Variants in PCDH11X observed in about 807,000 individuals in gnomAD.
PCDH11X encodes the protein protocadherin-11 X-linked.
A neutral mutation model predicts 53.3 loss-of-function variants in PCDH11X; 18 were observed. That is an observed-to-expected ratio of 0.34 (90% CI 0.23 to 0.50). PCDH11X has a LOEUF of 0.50. Ranked by LOEUF, PCDH11X falls within the 20% of genes least tolerant of loss-of-function variation. The pLI, the probability that PCDH11X is intolerant of heterozygous loss-of-function variation, is 0.98. For missense variants in PCDH11X, 570 were observed against 1,032.4 expected, an observed-to-expected ratio of 0.55 and a Z score of 6.14; for synonymous variants, 279 against 393.3, an observed-to-expected ratio of 0.71 and a Z score of 3.44.
At chrX:91,823,115 AG>A (rs1204104490) in intron 4 of PCDH11X, among the ~76,000 whole-genome samples, 1 of 109,084 alleles carries the variant, frequency 9.2e-6, no homozygotes, top group Non-Finnish European at 1.9e-5. Flanking sequence ...ATTTTGGAAT[AG>A]GTGTGGTGTG....
intron 1 of PCDH11X, among the ~76,000 whole-genome samples, chrX:91,806,366 TC>T (rs1402162577): frequency 8.8e-6 from 1 of 113,571 alleles, no homozygotes; most frequent in Non-Finnish European, 1.9e-5. Context: ...GTGACAATTC[TC>T]TTAGACATCT....
Position 92,049,262 on chromosome X carries a change from A to G in PCDH11X, c.3034-152113A>G, listed in dbSNP as rs1432922300. The stretch of plus-strand genomic sequence containing the variant: ...ACAAGAGACATTGCAGGATAATTTC[A>G]AGGTATGCAAGGAAATATATTTTGG... On this transcript the variant is annotated intron_variant, in intron 6 of 10. Transcript: ENST00000682573. Among the ~76,000 whole-genome samples, 4 of 111,661 alleles carry G rather than the reference A, an allele frequency of 3.6e-5. No homozygotes were observed. In the East Asian group the frequency reaches 8.4e-4, roughly 24 times the overall value.
intron 6 of PCDH11X, among the ~76,000 whole-genome samples, chrX:91,902,569 T>C (rs909860090): frequency 2.8e-5 from 3 of 107,821 alleles, no homozygotes; most frequent in Admixed American, 1.0e-4. Context: ...TGTTGTTTTA[T>C]ATATAACCTA....
chrX:92,248,999 C>G (rs1044807241), intron 7 of PCDH11X, among the ~76,000 whole-genome samples: 11 of 111,220 alleles, frequency 9.9e-5, no homozygotes, highest in African/African-American at 2.9e-4. Flanking sequence ...CCACTGTGCC[C>G]GGCCAGTAAT....
At chrX:92,518,547 C>G (rs867789946) in intron 10 of PCDH11X, among the ~76,000 whole-genome samples, 8 of 111,079 alleles carry the variant, frequency 7.2e-5, no homozygotes, top group Non-Finnish European at 1.3e-4. Context: ...TTTATATTTT[C>G]CACTTGGTCC....
At chrX:92,034,281 G>A (rs1437238955) in intron 6 of PCDH11X, among the ~76,000 whole-genome samples, 2 of 111,416 alleles carry the variant, frequency 1.8e-5, no homozygotes, top group Non-Finnish European at 3.8e-5. Context: ...CTATAGGGCA[G>A]ATTAAGTCAG....
rs181281477 is a variant in PCDH11X at position 92,544,666 on chromosome X, T to C, written c.3368-73598T>C. Among the ~76,000 whole-genome samples, 217 of 111,011 alleles carry C rather than the reference T, an allele frequency of 2.0e-3. 1 individual carries two copies. The highest frequency in any genetic ancestry group is 0.018 in the Admixed American group (190 of 10,381). ...CCGTAAATTCAACCCCATCATATGG[T>C]TTCATTTTAACTCAGAAGGTTAGAT... is the stretch of plus-strand genomic sequence containing the variant. On this transcript the variant is annotated intron_variant, in intron 10 of 10. Coordinates refer to ENST00000682573, the MANE Select transcript of PCDH11X (RefSeq NM_032968.5).
intron 6 of PCDH11X, among the ~76,000 whole-genome samples, chrX:91,945,068 T>TATATATATATATATATA (rs61515084): frequency 2.7e-4 from 24 of 89,956 alleles, no homozygotes; most frequent in Non-Finnish European, 4.0e-4. Context: ...TATATATATA[T>TATATATATATATATATA]TCTTAAATGT....
intron 9 of PCDH11X, among the ~76,000 whole-genome samples, chrX:92,411,391 C>T (rs2754962): frequency 9.0e-6 from 1 of 110,884 alleles, no homozygotes; most frequent in African/African-American, 3.3e-5. Flanking sequence ...AAGCCCCGCA[C>T]GCATTAAGTA....
chrX:92,568,900 T>C (rs988763168), intron 10 of PCDH11X, among the ~76,000 whole-genome samples: 2 of 111,517 alleles, frequency 1.8e-5, no homozygotes, highest in African/African-American at 6.5e-5. Context: ...AATGTAAAAT[T>C]TACGTAGTTG....
intron 6 of PCDH11X, among the ~76,000 whole-genome samples, chrX:92,184,307 T>C (rs1488614099): frequency 8.9e-6 from 1 of 112,163 alleles, no homozygotes; most frequent in Non-Finnish European, 1.9e-5. Context: ...ATTTCAAGAC[T>C]GTGGTTGCAA....
At chrX:92,572,794 G>T (rs182859164) in intron 10 of PCDH11X, among the ~76,000 whole-genome samples, 35 of 97,209 alleles carry the variant, frequency 3.6e-4, no homozygotes, top group African/African-American at 1.3e-3. Flanking sequence ...TGAGGCAAGA[G>T]AATCCCTTGA....
chrX:92,269,989 A>T (rs1362257537), intron 8 of PCDH11X, among the ~76,000 whole-genome samples: 1 of 111,990 alleles, frequency 8.9e-6, no homozygotes, highest in African/African-American at 3.2e-5. Context: ...TTTCTTCCAT[A>T]AAACCTTCTG....
intron 6 of PCDH11X, among the ~76,000 whole-genome samples, chrX:91,979,066 T>G (rs1344934134): frequency 1.8e-5 from 2 of 111,824 alleles, no homozygotes; most frequent in East Asian, 5.6e-4. Flanking sequence ...ATTGTAAAAC[T>G]ATTTTAATGG....
intron 6 of PCDH11X, among the ~76,000 whole-genome samples, chrX:92,101,702 T>C (rs1399167522): frequency 9.1e-6 from 1 of 110,092 alleles, no homozygotes; most frequent in African/African-American, 3.3e-5. Flanking sequence ...AAAGTGTCTA[T>C]TTAGACTAAG....
chrX:91,801,381 G>A (rs1201945957), intron 1 of PCDH11X, among the ~76,000 whole-genome samples: 2 of 109,274 alleles, frequency 1.8e-5, no homozygotes, highest in Non-Finnish European at 3.8e-5. Flanking sequence ...AGGTAACATC[G>A]GCTGCATATT....
intron 10 of PCDH11X, among the ~76,000 whole-genome samples, chrX:92,508,402 T>C (rs1242931091): frequency 9.2e-6 from 1 of 108,864 alleles, no homozygotes; most frequent in Non-Finnish European, 1.9e-5. Context: ...TTTGTATTTT[T>C]AGTAGAGACG....
intron 8 of PCDH11X, among the ~76,000 whole-genome samples, chrX:92,309,752 C>A (rs1451020896): frequency 9.0e-6 from 1 of 111,688 alleles, no homozygotes; most frequent in Admixed American, 9.6e-5. Flanking sequence ...GGGATTTTCC[C>A]TCCACTGAGG....
intron 9 of PCDH11X, among the ~76,000 whole-genome samples, chrX:92,395,928 A>G (rs1258332708): frequency 9.7e-6 from 1 of 103,545 alleles, no homozygotes; most frequent in African/African-American, 3.6e-5. Flanking sequence ...GAACTTTTTT[A>G]TATGTGATGA....
Sources: allele counts gnomAD v4.1 joint callset (sites outside exome capture counted in the v4.1 genomes callset), GRCh38; gene constraint gnomAD v4.1.1; transcripts MANE v1.5; gene names NCBI Gene and HGNC (gene_info 2026-07-23, HGNC 2026-07-21).